KAT2B: variants seen among roughly 807,000 people sequenced by gnomAD.
KAT2B encodes lysine acetyltransferase 2B.
Under a neutral mutation model 105.9 loss-of-function variants are expected in KAT2B, and 36 were observed. The ratio of observed to expected loss-of-function variants is 0.34; its 90% CI spans 0.26 to 0.45. The LOEUF is 0.45. Ranked by LOEUF, KAT2B falls within the 20% of genes least tolerant of loss-of-function variation. The pLI is 1.00. For missense variants in KAT2B, 820 were observed against 1,021.6 expected (o/e 0.80, Z 2.69); for synonymous variants, 397 against 377.9 (o/e 1.05, Z -0.59).
intron 1 of KAT2B, among the ~76,000 whole-genome samples, chr3:20,064,217 T>A (rs1292428576): frequency 1.3e-5 from 2 of 152,204 alleles, no homozygotes; most frequent in Non-Finnish European, 2.9e-5. Flanking sequence ...TTGTGTTTAA[T>A]TGACACCTAA....
intron 2 of KAT2B, among the ~76,000 whole-genome samples, chr3:20,094,136 A>G (rs1311439932): frequency 6.6e-6 from 1 of 152,198 alleles, no homozygotes; most frequent in Non-Finnish European, 1.5e-5. Context: ...AGGCTGGATA[A>G]TTTATAAAGA....
At chr3:20,044,042 C>G (rs919067516) in intron 1 of KAT2B, among the ~76,000 whole-genome samples, 1 of 148,292 alleles carries the variant, frequency 6.7e-6, no homozygotes, top group Admixed American at 6.8e-5. Context: ...GCCAGGGTGA[C>G]GTGCCACACC....
intron 2 of KAT2B, among the ~76,000 whole-genome samples, chr3:20,078,538 A>AG (rs1698460749): frequency 6.6e-6 from 1 of 150,468 alleles, no homozygotes; most frequent in African/African-American, 2.5e-5. Flanking sequence ...ATGCCCAGCT[A>AG]ATTTTTTTTT....
chr3:20,070,345 C>T (rs1220222453), intron 1 of KAT2B, among the ~76,000 whole-genome samples: 1 of 146,092 alleles, frequency 6.8e-6, no homozygotes, highest in Non-Finnish European at 1.5e-5. Context: ...TCGCTCTGTA[C>T]CCAGGCTGGA....
At chr3:20,102,432 A>C (rs1698927114) in intron 5 of KAT2B, among the ~76,000 whole-genome samples, 2 of 152,216 alleles carry the variant, frequency 1.3e-5, no homozygotes, top group Admixed American at 6.5e-5. Flanking sequence ...TTATAATGAA[A>C]GAAAATGTAG....
chr3:20,129,669 C>T (rs1699475138), intron 11 of KAT2B, among the ~76,000 whole-genome samples: 1 of 152,190 alleles, frequency 6.6e-6, no homozygotes, highest in African/African-American at 2.4e-5. Context: ...AGCAACCACA[C>T]CCAGCCTTAT....
intron 8 of KAT2B, among the ~76,000 whole-genome samples, chr3:20,120,877 C>G (rs951131216): frequency 1.3e-5 from 2 of 151,924 alleles, no homozygotes; most frequent in Admixed American, 6.6e-5. Context: ...TAAGAAGTGC[C>G]ATATATTTAG....
intron 11 of KAT2B, among the ~76,000 whole-genome samples, chr3:20,131,201 A>C (rs957280320): frequency 1.3e-5 from 2 of 151,710 alleles, no homozygotes; most frequent in Admixed American, 1.3e-4. Context: ...TTTTTAACAG[A>C]AATGGTGTTT....
intron 8 of KAT2B, among the ~76,000 whole-genome samples, chr3:20,120,982 T>TA (rs1045930859): frequency 1.3e-5 from 2 of 151,780 alleles, no homozygotes. Context: ...TCAGACTTTT[T>TA]AAAAAAAATC....
At chr3:20,133,753 G>T (rs1383384004) in intron 11 of KAT2B, among the ~76,000 whole-genome samples, 1 of 152,126 alleles carries the variant, frequency 6.6e-6, no homozygotes, top group Non-Finnish European at 1.5e-5. Flanking sequence ...TTCACCAGTG[G>T]TGTTGGAGAG....
chr3:20,057,409 A>G (rs1371553689), intron 1 of KAT2B, among the ~76,000 whole-genome samples: 1 of 152,176 alleles, frequency 6.6e-6, no homozygotes, highest in African/African-American at 2.4e-5. Flanking sequence ...GAGCTGTCCA[A>G]GGAAACAACG....
At chr3:20,110,608 G>T (rs1180871989) in intron 5 of KAT2B, among the ~76,000 whole-genome samples, 1 of 150,584 alleles carries the variant, frequency 6.6e-6, no homozygotes, top group Non-Finnish European at 1.5e-5. Context: ...AGGAGGTAGA[G>T]GTTGCAGTGA....
intron 1 of KAT2B, among the ~76,000 whole-genome samples, chr3:20,069,543 T>C (rs2125179061): frequency 6.8e-6 from 1 of 146,942 alleles, no homozygotes; most frequent in South Asian, 2.2e-4. Context: ...TTTTTTTTTT[T>C]GAGACAGAGT....
chr3:20,106,975 A>G (rs1458823515), intron 5 of KAT2B, among the ~76,000 whole-genome samples: 1 of 12,040 alleles, frequency 8.3e-5, no homozygotes, highest in Non-Finnish European at 1.2e-4. Flanking sequence ...ATATATATAT[A>G]TATGTATATA....
At chr3:20,149,914 T>C (rs9867859) in intron 17 of KAT2B, among the ~76,000 whole-genome samples, 2,885 of 152,338 alleles carry the variant, frequency 0.019, 102 homozygotes, top group African/African-American at 0.066. Context: ...TCAGCTTCTT[T>C]TGGGAAACCC....
At chr3:20,050,278 A>T (rs763660261) in intron 1 of KAT2B, among the ~76,000 whole-genome samples, 1 of 152,142 alleles carries the variant, frequency 6.6e-6, no homozygotes, top group Non-Finnish European at 1.5e-5. Context: ...TCAACATGAT[A>T]AAAAGGAGTC....
intron 17 of KAT2B, chr3:20,148,864 T>C (rs955530289): frequency 3.5e-5 from 6 of 171,328 alleles, no homozygotes; most frequent in African/African-American, 1.2e-4. Context: ...CTGTCGTAAA[T>C]AGGTATTCCT....
At chr3:20,095,715 A>G (rs184009443) in intron 3 of KAT2B, among the ~76,000 whole-genome samples, 1 of 152,332 alleles carries the variant, frequency 6.6e-6, no homozygotes, top group East Asian at 1.9e-4. Flanking sequence ...GCACTAACGT[A>G]GGCATGAGGG....
At chr3:20,091,434 C>G (rs768195217) in intron 2 of KAT2B, among the ~76,000 whole-genome samples, 12 of 151,698 alleles carry the variant, frequency 7.9e-5, no homozygotes, top group Non-Finnish European at 1.8e-4. Flanking sequence ...TTTATCTTTT[C>G]AAAGAACCAA....
Sources: allele counts gnomAD v4.1 joint callset (sites outside exome capture counted in the v4.1 genomes callset), GRCh38; gene constraint gnomAD v4.1.1; transcripts MANE v1.5; gene names NCBI Gene and HGNC (gene_info 2026-07-23, HGNC 2026-07-21).